Variants in TRAPPC9 observed in about 807,000 individuals in gnomAD.
TRAPPC9 encodes the protein IKK2 binding protein.
Under a neutral mutation model 124.0 loss-of-function variants are expected in TRAPPC9, and 83 were observed. The ratio of observed to expected loss-of-function variants is 0.67; its 90% CI spans 0.56 to 0.80. TRAPPC9 has a LOEUF of 0.80. Ranked by LOEUF, TRAPPC9 falls within the 30% of genes least tolerant of loss-of-function variation. TRAPPC9 has a pLI of 0.00. For synonymous variants in TRAPPC9, 638 were observed against 617.5 expected (o/e 1.03, Z -0.49); for missense variants, 1,302 against 1,508.3 (o/e 0.86, Z 2.27).
chr8:139,885,851 A>T, intron 21 of TRAPPC9, 28 bp downstream of exon 21: 1 of 1,544,598 alleles, frequency 6.5e-7, no homozygotes, highest in Non-Finnish European at 8.8e-7. Context: ...ATCCACCCAG[A>T]ATCGATGGGT....
At chr8:139,871,174 A>G (rs889176770) in intron 21 of TRAPPC9, among the ~76,000 whole-genome samples, 1 of 152,202 alleles carries the variant, frequency 6.6e-6, no homozygotes, top group Non-Finnish European at 1.5e-5. Flanking sequence ...TATGCTGATT[A>G]CAAGTGAGAG....
intron 3 of TRAPPC9, among the ~76,000 whole-genome samples, chr8:140,437,610 C>T (rs1011962631): frequency 3.3e-5 from 5 of 152,128 alleles, no homozygotes; most frequent in Non-Finnish European, 7.4e-5. Context: ...GGCAACAGAG[C>T]GAGACTCCGT....
chr8:139,957,185 G>C (rs1835043609), intron 19 of TRAPPC9, among the ~76,000 whole-genome samples: 1 of 152,214 alleles, frequency 6.6e-6, no homozygotes, highest in Non-Finnish European at 1.5e-5. Context: ...CGGAAGCTTG[G>C]GCCAGCCCAG....
At chr8:139,857,388 C>T (rs562111419) in intron 21 of TRAPPC9, among the ~76,000 whole-genome samples, 9 of 152,288 alleles carry the variant, frequency 5.9e-5, no homozygotes, top group South Asian at 4.1e-4. Flanking sequence ...AATCTGAGTG[C>T]GATTCTCCCC....
intron 19 of TRAPPC9, among the ~76,000 whole-genome samples, chr8:139,947,054 C>T (rs1316068594): frequency 6.6e-6 from 1 of 152,008 alleles, no homozygotes; most frequent in African/African-American, 2.4e-5. Flanking sequence ...TCACACCCTG[C>T]GTAAGGAAAT....
At position 139,731,971 on chromosome 8, in the gene TRAPPC9, C is replaced by T. The variant is rs1232079136; in HGVS notation, c.3279+8G>A. 1.9e-6 allele frequency: 3 copies of T among 1,565,456 alleles called. No individual in the cohort carries two copies. Among genetic ancestry groups the T allele is most frequent in the Admixed American group, 3.8e-5 (2 of 52,992 alleles). On this transcript the variant is annotated splice_region_variant and intron_variant, in intron 22 of 22. Transcript: ENST00000438773. Reference sequence around the variant, plus strand: ...GGCTCCCAGACCGCCTTGCACACCACCACGCACCGCGTCGAGGTAGAAGGT... The same window carrying T: ...GGCTCCCAGACCGCCTTGCACACCATCACGCACCGCGTCGAGGTAGAAGGT...
chr8:140,319,311 G>C (rs529422284), intron 9 of TRAPPC9, among the ~76,000 whole-genome samples: 1 of 151,088 alleles, frequency 6.6e-6, no homozygotes. Flanking sequence ...GAGTAGCTGG[G>C]ACTACGGGCA....
chr8:139,775,950 A>G (rs1482825921), intron 21 of TRAPPC9, among the ~76,000 whole-genome samples: 2 of 152,182 alleles, frequency 1.3e-5, no homozygotes, highest in African/African-American at 4.8e-5. Context: ...TCCACTCCAG[A>G]GAGTGTCTCT....
At chr8:139,806,175 G>A (rs1275310674) in intron 21 of TRAPPC9, 1 of 152,268 alleles carries the variant, frequency 6.6e-6, no homozygotes, top group Non-Finnish European at 1.5e-5. Flanking sequence ...CCAAGCGAGG[G>A]AGCCAGGGCT....
intron 21 of TRAPPC9, among the ~76,000 whole-genome samples, chr8:139,801,962 C>A (rs1231672689): frequency 5.3e-5 from 8 of 152,180 alleles, no homozygotes; most frequent in African/African-American, 1.9e-4. Context: ...CTGGACCTCT[C>A]CTGGGGCTCC....
intron 17 of TRAPPC9, among the ~76,000 whole-genome samples, chr8:140,058,922 A>T (rs1842435412): frequency 6.6e-6 from 1 of 152,132 alleles, no homozygotes. Context: ...TGCATACTAG[A>T]AACTCCTGGG....
chr8:139,944,368 T>C (rs1365863163), intron 19 of TRAPPC9, among the ~76,000 whole-genome samples: 2 of 152,230 alleles, frequency 1.3e-5, no homozygotes, highest in Non-Finnish European at 2.9e-5. Context: ...AGATGACTTC[T>C]TAAAACATAT....
intron 21 of TRAPPC9, among the ~76,000 whole-genome samples, chr8:139,845,618 C>T (rs1167549195): frequency 6.6e-6 from 1 of 152,198 alleles, no homozygotes; most frequent in Non-Finnish European, 1.5e-5. Flanking sequence ...GAGTGCCTTC[C>T]TCCTTTCCTC....
intron 17 of TRAPPC9, among the ~76,000 whole-genome samples, chr8:140,038,973 G>T (rs890804932): frequency 1.3e-5 from 2 of 152,220 alleles, no homozygotes; most frequent in South Asian, 4.1e-4. Flanking sequence ...TCAGCACAGA[G>T]CTGGGGAAGG....
At chr8:139,912,037 A>T (rs1179471642) in intron 19 of TRAPPC9, among the ~76,000 whole-genome samples, 1 of 152,206 alleles carries the variant, frequency 6.6e-6, no homozygotes, top group Non-Finnish European at 1.5e-5. Flanking sequence ...ATGGTTTTTA[A>T]AAAAATCACT....
At position 140,287,776 on chromosome 8, in the gene TRAPPC9, A is replaced by G. The variant is rs2065533843; in HGVS notation, c.1855-42T>C. 13 of 1,613,294 alleles carry G rather than the reference A, an allele frequency of 8.1e-6. 1 individual carries two copies. The East Asian group carries it at 1.8e-4, about 22-fold the overall frequency. On this transcript the variant is annotated intron_variant, in intron 12 of 22. Transcript: ENST00000438773. ...AGCATCGTAAGCCCGGAGCAAACCT[A>G]CTGTGTGTGCTCAGTTCCAAATGAG...
chr8:140,185,426 C>A (rs576032193), intron 17 of TRAPPC9, among the ~76,000 whole-genome samples: 1 of 152,208 alleles, frequency 6.6e-6, no homozygotes, highest in East Asian at 1.9e-4. Flanking sequence ...TGTGGAAGTG[C>A]GTTTCTCTCT....
chr8:139,932,821 G>A (rs1164080428), intron 19 of TRAPPC9: 5 of 321,276 alleles, frequency 1.6e-5, no homozygotes, highest in Admixed American at 4.5e-5. Flanking sequence ...CCAACCTCTC[G>A]TTGACATGTA....
chr8:139,994,019 C>A (rs1002973245), intron 18 of TRAPPC9, among the ~76,000 whole-genome samples: 2 of 152,050 alleles, frequency 1.3e-5, no homozygotes, highest in Non-Finnish European at 2.9e-5. Context: ...CAAATTGATA[C>A]CTCCTAGACA....
Sources: allele counts gnomAD v4.1 joint callset (sites outside exome capture counted in the v4.1 genomes callset), GRCh38; gene constraint gnomAD v4.1.1; transcripts MANE v1.5; gene names NCBI Gene and HGNC (gene_info 2026-07-23, HGNC 2026-07-21).